The following MEIOB variants were observed in gnomAD, a reference collection of about 807,000 sequenced individuals.
The protein encoded by MEIOB is meiosis-specific with OB domain-containing protein.
A neutral mutation model predicts 53.1 loss-of-function variants in MEIOB; 50 were observed. The observed-to-expected ratio is 0.94, with a 90% CI of 0.75 to 1.19. The LOEUF (loss-of-function observed/expected upper bound fraction) is 1.19. Among genes scored for constraint, MEIOB ranks in the 50% most tolerant of loss-of-function variants. MEIOB has a pLI of 0.00. For missense variants in MEIOB, 551 were observed against 550.8 expected, an observed-to-expected ratio of 1.00 and a Z score of 0.00; for synonymous variants, 192 against 182.5, an observed-to-expected ratio of 1.05 and a Z score of -0.42.
intron 9 of MEIOB, among the ~76,000 whole-genome samples, chr16:1,851,943 C>T (rs1259331244): frequency 6.6e-6 from 1 of 152,154 alleles, no homozygotes; most frequent in Non-Finnish European, 1.5e-5. Context: ...CCTGGGAATG[C>T]TCACAGGCAC....
Position 1,857,753 on chromosome 16 carries a change from C to A in MEIOB, c.510G>T (p.Val170=). 1.3e-6 allele frequency: 2 copies of A among 1,551,404 alleles called. No homozygotes were observed. The highest frequency in any genetic ancestry group is 1.7e-6 in the Non-Finnish European group (2 of 1,146,904). Residue 170 remains valine (V), a synonymous_variant, in exon 6 of 14, where the codon GTG becomes GTT. Transcript: ENST00000325962. ...GHSLNGRIIN[V]LAAVKSVGEP... ...AACTTACCGATTTCACAGCTGCAAG[C>A]ACGTTAATAATCCTCCCATTAAGAC... is the stretch of plus-strand genomic sequence containing the variant.
At chr16:1,861,164 A>T (rs1315077936) in intron 4 of MEIOB, among the ~76,000 whole-genome samples, 1 of 152,192 alleles carries the variant, frequency 6.6e-6, no homozygotes, top group Non-Finnish European at 1.5e-5. Flanking sequence ...TGGGATTTGA[A>T]TCTAGACCTC....
intron 9 of MEIOB, among the ~76,000 whole-genome samples, chr16:1,848,885 T>C (rs1425756666): frequency 2.0e-5 from 3 of 151,980 alleles, no homozygotes; most frequent in Admixed American, 1.3e-4. Context: ...CTAGGCTTCA[T>C]GGATTTCGGG....
At chr16:1,868,787 G>A (rs1012416227) in intron 1 of MEIOB, among the ~76,000 whole-genome samples, 4 of 149,406 alleles carry the variant, frequency 2.7e-5, no homozygotes, top group Non-Finnish European at 5.9e-5. Flanking sequence ...CCCGGGAGGC[G>A]GAGCTTGCAG....
intron 5 of MEIOB, 127 bp from the exon 6 acceptor site, chr16:1,858,057 T>A: frequency 1.6e-6 from 1 of 622,156 alleles, no homozygotes; most frequent in Non-Finnish European, 2.7e-6. Flanking sequence ...TTTTTACTCT[T>A]AGAAACATTG....
At chr16:1,871,522 T>G (rs1374009231) in intron 1 of MEIOB, among the ~76,000 whole-genome samples, 12 of 105,838 alleles carry the variant, frequency 1.1e-4, no homozygotes, top group Non-Finnish European at 1.8e-4. Flanking sequence ...CCCGGCCCTT[T>G]TTTTTTTTTT....
intron 6 of MEIOB, 95 bp downstream of exon 6, chr16:1,857,640 C>G: frequency 1.1e-6 from 1 of 889,492 alleles, no homozygotes; most frequent in Non-Finnish European, 1.7e-6. Context: ...GAAAAGTTAC[C>G]CCAGCTGATC....
At chr16:1,857,482 A>G (rs1899335630) in intron 6 of MEIOB, among the ~76,000 whole-genome samples, 1 of 152,244 alleles carries the variant, frequency 6.6e-6, no homozygotes, top group African/African-American at 2.4e-5. Flanking sequence ...TCCTATAGTT[A>G]GCAGATCATT....
intron 10 of MEIOB, among the ~76,000 whole-genome samples, chr16:1,844,317 T>C (rs1317522560): frequency 6.6e-6 from 1 of 151,984 alleles, no homozygotes; most frequent in Non-Finnish European, 1.5e-5. Flanking sequence ...AGAGACGGGA[T>C]TTCACCATGT....
Position 1,865,795 on chromosome 16 carries a change from C to A in MEIOB, c.110G>T (p.Gly37Val), listed in dbSNP as rs190685064. The A allele has an allele frequency of 1.0e-5, 16 of 1,548,472 alleles. No individual in the cohort carries two copies. The Admixed American group carries it at 1.8e-4, about 17-fold the overall frequency. ...AACTCAGCTTTTTCTGTCTGGAAAG[C>A]CTTTGACATCTGTTTTCCCAATAAC... The part of the protein sequence containing the change: ...GIVIGKTDVK[G>V]FPDRKNIGSE... Residue 37 changes from glycine (G) to valine (V), a missense_variant, in exon 3 of 14, where the codon GGC (glycine) becomes GTC (valine). Coordinates refer to ENST00000325962, the MANE Select transcript of MEIOB (RefSeq NM_001163560.3).
At chr16:1,870,973 C>T (rs989871595) in intron 1 of MEIOB, among the ~76,000 whole-genome samples, 2 of 151,970 alleles carry the variant, frequency 1.3e-5, no homozygotes, top group African/African-American at 4.8e-5. Context: ...GGGATTTCTC[C>T]ACATTTTTAC....
chr16:1,869,693 C>T (rs1596988746), intron 1 of MEIOB, among the ~76,000 whole-genome samples: 3 of 151,668 alleles, frequency 2.0e-5, no homozygotes, highest in African/African-American at 4.8e-5. Context: ...CCTCGTGATC[C>T]GCCCACCTCG....
At chr16:1,867,880 A>T (rs1899633854) in intron 2 of MEIOB, among the ~76,000 whole-genome samples, 1 of 147,784 alleles carries the variant, frequency 6.8e-6, no homozygotes, top group Non-Finnish European at 1.5e-5. Context: ...TACTAGTCAA[A>T]TCTACAATCA....
chr16:1,850,770 A>T (rs1185135564), intron 9 of MEIOB, among the ~76,000 whole-genome samples: 1 of 150,786 alleles, frequency 6.6e-6, no homozygotes, highest in Non-Finnish European at 1.5e-5. Flanking sequence ...AAATACAAAA[A>T]ATTAGCCAGG....
In MEIOB at chr16:1,834,247, T is replaced by TA. The variant is rs769172650; in HGVS notation, c.*8dup. On this transcript the variant is annotated 3_prime_UTR_variant, in exon 14 of 14. Transcript: ENST00000325962. ...TATACTTTTCCAGAGTTCAAAATGATAGACCGTTTTAAACATGTTTTTGTC... is the reference window on the plus strand; with the variant it reads ...TATACTTTTCCAGAGTTCAAAATGATAAGACCGTTTTAAACATGTTTTTGTC... 20 of 1,495,122 alleles carry TA rather than the reference T, an allele frequency of 1.3e-5. 1 individual carries two copies. The highest frequency in any genetic ancestry group is 1.9e-5 in the Non-Finnish European group (20 of 1,076,564). The allele number at this position is 1,495,122 out of a possible 1,614,324, so 92.6% of individuals were successfully genotyped here.
rs915599893 is a variant in MEIOB at position 1,834,897 on chromosome 16, T to G, written c.1306-531A>C. ...TTGCAGTGAGCAGAGATTGTGCCAT[T>G]GCACTCCAGCTTGGGCAACTAGAGC... On this transcript the variant is annotated intron_variant, in intron 13 of 13. Coordinates refer to ENST00000325962, the MANE Select transcript of MEIOB (RefSeq NM_001163560.3). 7.9e-5 allele frequency among the ~76,000 whole-genome samples: 12 copies of G among 151,740 alleles called. No homozygotes were observed. The East Asian group carries it at 2.3e-3, about 29-fold the overall frequency.
At position 1,844,997 on chromosome 16, in the gene MEIOB, A is replaced by G. The variant is rs187275503; in HGVS notation, c.779-34T>C. 1.4e-4 allele frequency: 134 copies of G among 935,440 alleles called. No homozygotes were observed. In the African/African-American group the frequency reaches 2.1e-3, roughly 15 times the overall value. The allele number at this position is 935,440 out of a possible 1,614,324, so 57.9% of individuals were successfully genotyped here. A position where few individuals can be genotyped will look rare whatever the true frequency, so the allele number is the denominator to read the frequency against. On this transcript the variant is annotated intron_variant, in intron 9 of 13. Coordinates refer to ENST00000325962, the MANE Select transcript of MEIOB (RefSeq NM_001163560.3). ...GAAAATGCATAATAAGTAAAAAGCA[A>G]ACTGATTATCATTTAAATCACATTT...
At chr16:1,838,841 G>A (rs897064669) in intron 12 of MEIOB, among the ~76,000 whole-genome samples, 7 of 152,074 alleles carry the variant, frequency 4.6e-5, no homozygotes, top group South Asian at 2.1e-4. Flanking sequence ...ACAAGTGCAC[G>A]TCACCACACC....
intron 3 of MEIOB, among the ~76,000 whole-genome samples, chr16:1,863,341 C>T (rs1196142500): frequency 7.3e-6 from 1 of 136,398 alleles, no homozygotes; most frequent in Non-Finnish European, 1.6e-5. Flanking sequence ...ACCACCATGC[C>T]AGGCTAATTT....
Sources: allele counts gnomAD v4.1 joint callset (sites outside exome capture counted in the v4.1 genomes callset), GRCh38; gene constraint gnomAD v4.1.1; transcripts MANE v1.5; gene names NCBI Gene and HGNC (gene_info 2026-07-23, HGNC 2026-07-21).